Variants in PELI2 observed in about 807,000 individuals in gnomAD.
PELI2 encodes the protein E3 ubiquitin-protein ligase pellino homolog 2.
A neutral mutation model predicts 42.3 loss-of-function variants in PELI2; 23 were observed. The observed-to-expected ratio is 0.54, with a 90% CI of 0.39 to 0.77. PELI2 has a LOEUF of 0.77. Ranked by LOEUF, PELI2 falls within the 30% of genes least tolerant of loss-of-function variation. The pLI is 0.00. For synonymous variants in PELI2, 245 were observed against 212.2 expected (o/e 1.15, Z -1.34); for missense variants, 463 against 553.2 (o/e 0.84, Z 1.64).
chr14:56,222,709 A>G (rs1013431366), intron 2 of PELI2, among the ~76,000 whole-genome samples: 3 of 152,224 alleles, frequency 2.0e-5, no homozygotes, highest in Non-Finnish European at 4.4e-5. Context: ...CTCTGGGCAG[A>G]CACTGCACAG....
intron 2 of PELI2, among the ~76,000 whole-genome samples, chr14:56,214,950 T>C (rs1886848614): frequency 6.6e-6 from 1 of 152,358 alleles, no homozygotes; most frequent in South Asian, 2.1e-4. Flanking sequence ...ATAGGCTTCA[T>C]ACTCTCCTGA....
intron 1 of PELI2, among the ~76,000 whole-genome samples, chr14:56,150,853 A>G (rs1180409199): frequency 6.6e-6 from 1 of 152,206 alleles, no homozygotes; most frequent in Non-Finnish European, 1.5e-5. Context: ...TTTGTCTCAG[A>G]GCTAGCAGAG....
At chr14:56,248,932 G>A (rs559926590) in intron 2 of PELI2, among the ~76,000 whole-genome samples, 3 of 152,228 alleles carry the variant, frequency 2.0e-5, no homozygotes, top group Middle Eastern at 3.4e-3. Context: ...GGGAAGCAGG[G>A]TTAATGGTCA....
chr14:56,141,966 A>G (rs1194890764), intron 1 of PELI2, among the ~76,000 whole-genome samples: 4 of 152,196 alleles, frequency 2.6e-5, no homozygotes, highest in Admixed American at 1.3e-4. Flanking sequence ...GCTTGTGGCT[A>G]TTCAGTACCA....
intron 1 of PELI2, among the ~76,000 whole-genome samples, chr14:56,149,546 C>G (rs1240389725): frequency 6.6e-6 from 1 of 151,976 alleles, no homozygotes; most frequent in African/African-American, 2.4e-5. Flanking sequence ...CCAAGTATTT[C>G]TCCATTTGGC....
At position 56,134,733 on chromosome 14, in the gene PELI2, T is replaced by TA. The variant is rs541847730; in HGVS notation, c.77+16004dup. Among the ~76,000 whole-genome samples the TA allele has an allele frequency of 1.4e-3, 218 of 151,518 alleles. 1 individual carries two copies. The highest frequency in any genetic ancestry group is 5.0e-3 in the African/African-American group (205 of 41,388). On this transcript the variant is annotated intron_variant, in intron 1 of 5. Coordinates refer to ENST00000267460, the MANE Select transcript of PELI2 (RefSeq NM_021255.3). ...TCAGTTTATTTTTTTCTCTCTTTTT[T>TA]AAAAAAAATCATTATGAGGAACCAG...
chr14:56,146,944 GTCTGTGGTTAA>G (rs1884147257), intron 1 of PELI2, among the ~76,000 whole-genome samples: 1 of 152,110 alleles, frequency 6.6e-6, no homozygotes, highest in African/African-American at 2.4e-5. Flanking sequence ...CCTCCTGCCA[GTCTGTGGTTAA>G]TTCCTGTGCC....
chr14:56,184,443 T>G (rs930090408), intron 2 of PELI2, among the ~76,000 whole-genome samples: 30 of 152,048 alleles, frequency 2.0e-4, no homozygotes, highest in African/African-American at 7.0e-4. Context: ...ATGCACTTAT[T>G]TGGTGACAAA....
At chr14:56,164,554 TA>T (rs2139645630) in intron 1 of PELI2, among the ~76,000 whole-genome samples, 1 of 152,282 alleles carries the variant, frequency 6.6e-6, no homozygotes, top group South Asian at 2.1e-4. Flanking sequence ...ATTGGCCTCA[TA>T]GAATAAGTTT....
At chr14:56,283,988 A>T (rs1330037166) in intron 3 of PELI2, among the ~76,000 whole-genome samples, 1 of 152,228 alleles carries the variant, frequency 6.6e-6, no homozygotes, top group Admixed American at 6.5e-5. Context: ...AAAGCGCGAC[A>T]GCACTCATAG....
intron 5 of PELI2, among the ~76,000 whole-genome samples, chr14:56,291,390 C>A (rs1307017080): frequency 6.6e-6 from 1 of 152,104 alleles, no homozygotes; most frequent in Non-Finnish European, 1.5e-5. Context: ...ATTTGCTGTT[C>A]TCTACTGGAT....
chr14:56,262,163 C>A (rs1358794498), intron 2 of PELI2, among the ~76,000 whole-genome samples: 1 of 152,186 alleles, frequency 6.6e-6, no homozygotes, highest in Non-Finnish European at 1.5e-5. Flanking sequence ...AATCCTAAGG[C>A]AAATCTGTCC....
chr14:56,213,796 A>G (rs750666714), intron 2 of PELI2, among the ~76,000 whole-genome samples: 2 of 152,180 alleles, frequency 1.3e-5, no homozygotes, highest in Non-Finnish European at 2.9e-5. Flanking sequence ...CCTGAAGGAT[A>G]TATCAGTTTT....
In PELI2 at chr14:56,297,481, C is replaced by A; in HGVS notation, c.*315C>A. 2 of 255,528 alleles carry A rather than the reference C, an allele frequency of 7.8e-6. No homozygotes were observed. Among genetic ancestry groups the A allele is most frequent in the Non-Finnish European group, 1.5e-5 (2 of 136,404 alleles). The allele number at this position is 255,528 out of a possible 1,614,324, so 15.8% of individuals were successfully genotyped here. On this transcript the variant is annotated 3_prime_UTR_variant, in exon 6 of 6. Transcript: ENST00000267460. ...AACCAAGTTTTTTTTTTTTTGTAAT[C>A]TTGGACAAGACTTTAAATCATATTT... is the stretch of plus-strand genomic sequence containing the variant.
At chr14:56,241,437 G>A (rs1329236499) in intron 2 of PELI2, among the ~76,000 whole-genome samples, 1 of 152,126 alleles carries the variant, frequency 6.6e-6, no homozygotes, top group African/African-American at 2.4e-5. Context: ...TGAAATTGAT[G>A]TACCTCCAGA....
intron 5 of PELI2, 62 bp downstream of exon 5, chr14:56,290,518 A>G: frequency 2.4e-6 from 3 of 1,259,800 alleles, no homozygotes; most frequent in Non-Finnish European, 2.2e-6. Flanking sequence ...CTCGAAGGCT[A>G]TCATTTTCCT....
At chr14:56,120,979 CTAGG>C (rs755046062) in intron 1 of PELI2, among the ~76,000 whole-genome samples, 2 of 152,128 alleles carry the variant, frequency 1.3e-5, no homozygotes, top group Non-Finnish European at 2.9e-5. Context: ...GAAAGAGTGA[CTAGG>C]TAGGAAGATT....
intron 2 of PELI2, among the ~76,000 whole-genome samples, chr14:56,203,556 A>G (rs751122499): frequency 1.3e-5 from 2 of 152,186 alleles, no homozygotes; most frequent in Non-Finnish European, 2.9e-5. Context: ...TTAATTTCTC[A>G]GAGTTGGACA....
At chr14:56,280,171 C>T (rs1030128422) in intron 3 of PELI2, among the ~76,000 whole-genome samples, 2 of 151,984 alleles carry the variant, frequency 1.3e-5, no homozygotes, top group Non-Finnish European at 2.9e-5. Context: ...ACTGACAAGA[C>T]GAGGCCAACA....
Sources: allele counts gnomAD v4.1 joint callset (sites outside exome capture counted in the v4.1 genomes callset), GRCh38; gene constraint gnomAD v4.1.1; transcripts MANE v1.5; gene names NCBI Gene and HGNC (gene_info 2026-07-23, HGNC 2026-07-21).